The following NAALADL2 variants were observed in gnomAD, a reference collection of about 807,000 sequenced individuals.
The protein encoded by NAALADL2 is N-acetylated alpha-linked acidic dipeptidase like 2.
Under a neutral mutation model 87.2 loss-of-function variants are expected in NAALADL2, and 76 were observed. The ratio of observed to expected loss-of-function variants is 0.87; its 90% CI spans 0.72 to 1.05. The LOEUF (loss-of-function observed/expected upper bound fraction) is 1.05, where lower values mean the gene tolerates loss of function less well. Ranked by LOEUF, NAALADL2 falls within the 50% of genes least tolerant of loss-of-function variation. The pLI is 0.00. For synonymous variants in NAALADL2, 354 were observed against 331.0 expected, an observed-to-expected ratio of 1.07 and a Z score of -0.75; for missense variants, 1,089 against 945.8, an observed-to-expected ratio of 1.15 and a Z score of -1.99.
At chr3:175,666,053 G>A (rs1461186928) in intron 11 of NAALADL2, among the ~76,000 whole-genome samples, 1 of 152,082 alleles carries the variant, frequency 6.6e-6, no homozygotes, top group African/African-American at 2.4e-5. Flanking sequence ...GAGAGATTAA[G>A]AAACTTATTC....
chr3:175,412,891 T>TTTATTATTATTATTATTATTATTATTA (rs58135076), intron 5 of NAALADL2, among the ~76,000 whole-genome samples: 4 of 123,012 alleles, frequency 3.3e-5, no homozygotes, highest in Non-Finnish European at 5.0e-5. Context: ...ATTTAATTTA[T>TTTATTATTATTATTATTATTATTATTA]TTATTATTAT....
chr3:174,517,744 A>C (rs1339837703), intron 1 of NAALADL2, among the ~76,000 whole-genome samples: 2 of 152,108 alleles, frequency 1.3e-5, no homozygotes, highest in Non-Finnish European at 2.9e-5. Flanking sequence ...TTGATGATAC[A>C]AGGAATTATT....
At chr3:174,882,611 G>GCATA in intron 1 of NAALADL2, among the ~76,000 whole-genome samples, 1 of 136,310 alleles carries the variant, frequency 7.3e-6, no homozygotes, top group Non-Finnish European at 1.5e-5. Flanking sequence ...ATACATATAT[G>GCATA]TGCATATGCA....
At chr3:175,138,059 C>T (rs1207291885) in intron 2 of NAALADL2, among the ~76,000 whole-genome samples, 4 of 152,012 alleles carry the variant, frequency 2.6e-5, no homozygotes, top group Admixed American at 6.6e-5. Context: ...GGCCATGGGG[C>T]GGGGGTGAGG....
At chr3:175,509,922 A>T (rs1208111224) in intron 9 of NAALADL2, among the ~76,000 whole-genome samples, 1 of 152,028 alleles carries the variant, frequency 6.6e-6, no homozygotes, top group African/African-American at 2.4e-5. Context: ...ACATATGTAG[A>T]CATGTGCCAT....
chr3:174,969,574 T>A (rs1743333131), intron 1 of NAALADL2, among the ~76,000 whole-genome samples: 1 of 152,042 alleles, frequency 6.6e-6, no homozygotes, highest in Admixed American at 6.6e-5. Flanking sequence ...GTAACTAAAA[T>A]CCCATAATAC....
chr3:174,816,588 A>G (rs1462546733), intron 3 of NAALADL2, among the ~76,000 whole-genome samples: 2 of 150,422 alleles, frequency 1.3e-5, no homozygotes, highest in African/African-American at 4.9e-5. Context: ...TATTACTTCA[A>G]TAATCTGAAA....
chr3:174,594,282 C>T (rs1182474584), intron 2 of NAALADL2, among the ~76,000 whole-genome samples: 1 of 152,034 alleles, frequency 6.6e-6, no homozygotes, highest in African/African-American at 2.4e-5. Context: ...AACATGGTAC[C>T]ACCCAGTTTA....
At chr3:174,513,820 C>T (rs556450083) in intron 1 of NAALADL2, among the ~76,000 whole-genome samples, 2 of 152,296 alleles carry the variant, frequency 1.3e-5, no homozygotes, top group East Asian at 1.9e-4. Flanking sequence ...AAGAATTTCA[C>T]ATGAAATATG....
intron 10 of NAALADL2, among the ~76,000 whole-genome samples, chr3:175,595,048 G>A (rs1249659970): frequency 6.6e-6 from 1 of 151,840 alleles, no homozygotes; most frequent in African/African-American, 2.4e-5. Flanking sequence ...ATTACTTTGG[G>A]GACATAGCCA....
intron 9 of NAALADL2, among the ~76,000 whole-genome samples, chr3:175,472,697 G>GT (rs1362376304): frequency 3.3e-5 from 5 of 152,108 alleles, no homozygotes; most frequent in Non-Finnish European, 7.4e-5. Flanking sequence ...TAGCTTAATA[G>GT]TTTTTATTGG....
intron 1 of NAALADL2, among the ~76,000 whole-genome samples, chr3:174,497,411 T>C (rs1364114611): frequency 1.3e-5 from 2 of 152,070 alleles, no homozygotes; most frequent in Non-Finnish European, 1.5e-5. Flanking sequence ...AACTCCTGGC[T>C]TGAACCCAGG....
intron 2 of NAALADL2, among the ~76,000 whole-genome samples, chr3:174,688,089 G>A (rs1042680605): frequency 7.2e-5 from 11 of 152,260 alleles, no homozygotes; most frequent in African/African-American, 1.2e-4. Flanking sequence ...AGTAATAGAT[G>A]TGTTTAATAA....
intron 3 of NAALADL2, among the ~76,000 whole-genome samples, chr3:174,794,942 A>T (rs1717899523): frequency 6.8e-6 from 1 of 146,672 alleles, no homozygotes. Context: ...ATGACACTAA[A>T]GGGTGTGTTT....
chr3:175,715,705 G>A (rs1328469500), intron 11 of NAALADL2, among the ~76,000 whole-genome samples: 1 of 151,800 alleles, frequency 6.6e-6, no homozygotes, highest in Admixed American at 6.6e-5. Context: ...GTGAAACCTG[G>A]TCTCTACTAA....
In NAALADL2 at chr3:174,712,380, C is replaced by CTTTTTT. The variant is rs1169827021; in HGVS notation, c.-114-25241_-114-25236dup. On this transcript the variant is annotated intron_variant, in intron 2 of 3. Coordinates refer to the NAALADL2 transcript ENST00000434257. Reference sequence around the variant, plus strand: ...TATTAACAGTCTCACTTCTCCTCTTCTTTTTTTTTTTTTTTTTTTTTTTTT... The same window carrying CTTTTTT: ...TATTAACAGTCTCACTTCTCCTCTTCTTTTTTTTTTTTTTTTTTTTTTTTTTTTTTT... Among the ~76,000 whole-genome samples, 369 of 70,462 alleles carry CTTTTTT rather than the reference C, an allele frequency of 5.2e-3. 8 individuals are homozygous for CTTTTTT. Among genetic ancestry groups the CTTTTTT allele is most frequent in the Non-Finnish European group, 6.1e-3 (249 of 40,534 alleles). The allele number at this position is 70,462 out of a possible 152,430, so 46.2% of individuals were successfully genotyped here. A position where few individuals can be genotyped will look rare whatever the true frequency, so the allele number is the denominator to read the frequency against.
chr3:174,751,851 T>G (rs1734855460), intron 3 of NAALADL2, among the ~76,000 whole-genome samples: 1 of 126,324 alleles, frequency 7.9e-6, no homozygotes, highest in Non-Finnish European at 1.7e-5. Context: ...TTAGAGATTA[T>G]GTATGTATGT....
chr3:175,581,184 G>A, intron 10 of NAALADL2: 1 of 375,116 alleles, frequency 2.7e-6, no homozygotes, highest in South Asian at 2.0e-5. Flanking sequence ...GCTCATGCCT[G>A]TCATCTCTGC....
At chr3:174,665,448 G>C (rs903257759) in intron 2 of NAALADL2, among the ~76,000 whole-genome samples, 3 of 152,070 alleles carry the variant, frequency 2.0e-5, no homozygotes, top group African/African-American at 7.2e-5. Context: ...ATTATTTGTA[G>C]TGCTGTTATC....
Sources: allele counts gnomAD v4.1 joint callset (sites outside exome capture counted in the v4.1 genomes callset), GRCh38; gene constraint gnomAD v4.1.1; transcripts MANE v1.5; gene names NCBI Gene and HGNC (gene_info 2026-07-23, HGNC 2026-07-21).